The following UBE2Q2 variants were observed in gnomAD, a reference collection of about 807,000 sequenced individuals.
UBE2Q2 encodes ubiquitin-conjugating enzyme E2 Q2.
A neutral mutation model predicts 59.9 loss-of-function variants in UBE2Q2; 54 were observed. That is an observed-to-expected ratio of 0.90 (90% confidence interval 0.72 to 1.13). The LOEUF (loss-of-function observed/expected upper bound fraction) is 1.13, where lower values mean the gene tolerates loss of function less well. Among genes scored for constraint, UBE2Q2 ranks in the 50% most tolerant of loss-of-function variants. The pLI, the probability that UBE2Q2 is intolerant of heterozygous loss-of-function variation, is 0.00. For synonymous variants in UBE2Q2, 165 were observed against 155.2 expected (o/e 1.06, Z -0.47); for missense variants, 433 against 441.9 (o/e 0.98, Z 0.18).
At chr15:75,860,110 TTGTTTTGTTTGTTC>T (rs1897134879) in intron 3 of UBE2Q2, 128 bp downstream of exon 3, 1 of 710,642 alleles carries the variant, frequency 1.4e-6, no homozygotes, top group Non-Finnish European at 2.3e-6. Context: ...TCCTATTGAA[TTGTTTTGTTTGTTC>T]TGTTTTAGGT....
At position 75,879,203 on chromosome 15, in the gene UBE2Q2, A is replaced by G. The variant is rs773611179; in HGVS notation, c.825+15A>G. The G allele has an allele frequency of 1.3e-6, 2 of 1,496,478 alleles. No individual in the cohort carries two copies. The highest frequency in any genetic ancestry group is 1.4e-5 in the African/African-American group (1 of 71,342). 92.7% of individuals were successfully genotyped at this position (1,496,478 alleles called of 1,614,324 possible). ...TCTCTTTTAAGGTAAGAAAATAGTT[A>G]CAGGACCCCATATACTTCCAGTGGG... On this transcript the variant is annotated intron_variant, in intron 8 of 12. Coordinates refer to ENST00000267938, the MANE Select transcript of UBE2Q2 (RefSeq NM_173469.4).
chr15:75,879,129 C>A lies in UBE2Q2; in HGVS notation c.766C>A (p.Leu256Ile). The change falls in exon 8 of 13, where the codon CTT (leucine) becomes ATT (isoleucine). Residue 256 changes from leucine (L) to isoleucine (I), a missense_variant. Physicochemically the swap from Leu to Ile is conservative, Grantham distance 5. Transcript: ENST00000267938. ...CCCTGATAGTCCTTTGCACAGTGAT[C>A]TTCAGATCTTAAAAGAAAAAGAAGG... Reference protein sequence around the residue: ...VDPDSPLHSDLQILKEKEGIE... With the variant: ...VDPDSPLHSDIQILKEKEGIE... 1 of 1,598,342 alleles carries A rather than the reference C, an allele frequency of 6.3e-7. No individual in the cohort carries two copies. The highest frequency in any genetic ancestry group is 8.5e-7 in the Non-Finnish European group (1 of 1,173,150).
At chr15:75,879,238 T>C in intron 8 of UBE2Q2, 50 bp downstream of exon 8, 1 of 1,136,260 alleles carries the variant, frequency 8.8e-7, no homozygotes, top group Non-Finnish European at 1.3e-6. Flanking sequence ...GGTGCGTATA[T>C]TTGTACAAGT....
intron 1 of UBE2Q2, among the ~76,000 whole-genome samples, chr15:75,851,892 A>G (rs2593274): frequency 0.016 from 2,444 of 152,230 alleles, 61 homozygotes; most frequent in African/African-American, 0.055. Flanking sequence ...TTTATTTTTG[A>G]GACAGGGCCT....
chr15:75,892,832 C>T (rs78546011), intron 11 of UBE2Q2, among the ~76,000 whole-genome samples: 178 of 152,232 alleles, frequency 1.2e-3, no homozygotes, highest in African/African-American at 3.9e-3. Context: ...GGCATGTTTG[C>T]GCACTCCAGC....
intron 1 of UBE2Q2, among the ~76,000 whole-genome samples, chr15:75,847,868 A>G (rs915449610): frequency 6.6e-6 from 1 of 152,210 alleles, no homozygotes; most frequent in Non-Finnish European, 1.5e-5. Flanking sequence ...CTTGTAGAGC[A>G]TAAATGATTA....
chr15:75,853,435 A>G (rs1296131883), intron 1 of UBE2Q2, among the ~76,000 whole-genome samples: 1 of 147,054 alleles, frequency 6.8e-6, no homozygotes, highest in Non-Finnish European at 1.5e-5. Context: ...TGTGCCATGC[A>G]CTCCGCCTGG....
chr15:75,864,606 C>CT (rs1237249734), intron 3 of UBE2Q2, among the ~76,000 whole-genome samples: 3 of 117,146 alleles, frequency 2.6e-5, no homozygotes, highest in African/African-American at 9.5e-5. Context: ...ACTGTAGATT[C>CT]TAAAAAAAAA....
chr15:75,889,842 A>G lies in UBE2Q2; in HGVS notation c.885-593A>G, dbSNP rs578017420. 3.3e-5 allele frequency among the ~76,000 whole-genome samples: 5 copies of G among 152,354 alleles called. No homozygotes were observed. In the South Asian group the frequency reaches 1.0e-3, roughly 32 times the overall value. On this transcript the variant is annotated intron_variant, in intron 9 of 12. Coordinates refer to ENST00000267938, the MANE Select transcript of UBE2Q2 (RefSeq NM_173469.4). ...TCGTTATCTAAGTAATGATTTTCTA[A>G]TGGGAGATTTGGTACATCCCCAGAA...
Position 75,890,948 on chromosome 15 carries a change from G to T in UBE2Q2, c.963G>T (p.Ser321=), listed in dbSNP as rs142780659. 2 of 1,612,636 alleles carry T rather than the reference G, an allele frequency of 1.2e-6. No homozygotes were observed. Among genetic ancestry groups the T allele is most frequent in the South Asian group, 2.2e-5 (2 of 90,996 alleles). ...GGAGCAGTGCCTACTCAATAGAATC[G>T]GTCATCATGCAAATAAATGCCACCT... ...QGWSSAYSIE[S]VIMQINATLV... is the part of the protein sequence containing the mutation. The change falls in exon 11 of 13, where the codon TCG becomes TCT. Residue 321 remains serine (S), a synonymous_variant. Coordinates refer to ENST00000267938, the MANE Select transcript of UBE2Q2 (RefSeq NM_173469.4).
intron 11 of UBE2Q2, among the ~76,000 whole-genome samples, chr15:75,896,031 G>T (rs568625778): frequency 6.6e-6 from 1 of 152,166 alleles, no homozygotes; most frequent in East Asian, 1.9e-4. Context: ...TTTAAAACAG[G>T]TATGTTCTAT....
chr15:75,850,197 T>C (rs1400361583), intron 1 of UBE2Q2, among the ~76,000 whole-genome samples: 2 of 152,174 alleles, frequency 1.3e-5, no homozygotes, highest in Non-Finnish European at 2.9e-5. Flanking sequence ...AACAAAACCT[T>C]CTTATTGTAA....
Position 75,843,752 on chromosome 15 carries a change from G to C in UBE2Q2, c.86G>C (p.Trp29Ser). ...KNHERFRIVS[W>S]KLDELHCQFL... ...CACGAGCGATTCCGCATCGTCAGTT[G>C]GAAGCTGGACGAGCTGCACTGCCAG... Residue 29 changes from tryptophan (W) to serine (S), a missense_variant, in exon 1 of 13, where the codon TGG (tryptophan) becomes TCG (serine). Coordinates refer to ENST00000267938, the MANE Select transcript of UBE2Q2 (RefSeq NM_173469.4). The C allele has an allele frequency of 1.9e-6, 3 of 1,611,388 alleles. No individual in the cohort carries two copies. The highest frequency in any genetic ancestry group is 2.5e-6 in the Non-Finnish European group (3 of 1,179,054).
chr15:75,846,470 A>AGGTGATCCACCCACCTC, intron 1 of UBE2Q2, among the ~76,000 whole-genome samples: 2 of 151,960 alleles, frequency 1.3e-5, no homozygotes, highest in East Asian at 3.9e-4. Flanking sequence ...ACTCCACCTC[A>AGGTGATCCACCCACCTC]AGCTCCCAAA....
At chr15:75,893,174 G>A (rs1899201161) in intron 11 of UBE2Q2, among the ~76,000 whole-genome samples, 1 of 152,106 alleles carries the variant, frequency 6.6e-6, no homozygotes, top group South Asian at 2.1e-4. Flanking sequence ...ATGGACTAAA[G>A]TTACCAGTTA....
chr15:75,867,995 A>G (rs763313644), intron 3 of UBE2Q2, among the ~76,000 whole-genome samples: 1 of 152,228 alleles, frequency 6.6e-6, no homozygotes, highest in Non-Finnish European at 1.5e-5. Flanking sequence ...TAAAGGAAAT[A>G]CAAGTTAATT....
At chr15:75,895,612 G>A (rs1173552609) in intron 11 of UBE2Q2, among the ~76,000 whole-genome samples, 1 of 151,920 alleles carries the variant, frequency 6.6e-6, no homozygotes, top group African/African-American at 2.4e-5. Flanking sequence ...TCTGTTTACA[G>A]AAATAGAAAT....
intron 1 of UBE2Q2, among the ~76,000 whole-genome samples, chr15:75,845,300 A>G (rs1896286714): frequency 2.0e-5 from 3 of 152,352 alleles, no homozygotes; most frequent in East Asian, 1.9e-4. Context: ...CAAAGAAGAC[A>G]CGGAGATTTG....
intron 4 of UBE2Q2, 84 bp from the exon 5 acceptor site, chr15:75,873,344 A>G (rs1489952091): frequency 1.0e-5 from 14 of 1,362,252 alleles, no homozygotes; most frequent in Non-Finnish European, 1.4e-5. Flanking sequence ...CATTTGAGTC[A>G]AGAATAATTT....
Sources: allele counts gnomAD v4.1 joint callset (sites outside exome capture counted in the v4.1 genomes callset), GRCh38; gene constraint gnomAD v4.1.1; transcripts MANE v1.5; gene names NCBI Gene and HGNC (gene_info 2026-07-23, HGNC 2026-07-21).